The following GLIS3 variants were observed in gnomAD, a reference collection of about 807,000 sequenced individuals.
GLIS3 encodes the protein GLIS family zinc finger 3, also known as zinc finger protein GLIS3.
Under a neutral mutation model 78.6 loss-of-function variants are expected in GLIS3, and 53 were observed. The ratio of observed to expected loss-of-function variants is 0.67; its 90% confidence interval spans 0.54 to 0.85. GLIS3 has a LOEUF of 0.85. GLIS3 is among the 40% of genes least tolerant of loss of function. GLIS3 has a pLI of 0.00. For synonymous variants in GLIS3, 684 were observed against 509.9 expected (o/e 1.34, Z -4.60); for missense variants, 1,703 against 1,231.1 (o/e 1.38, Z -5.74).
the GLIS3 span, among the ~76,000 whole-genome samples, chr9:4,455,336 A>G: frequency 1.3e-5 from 2 of 152,322 alleles, no homozygotes; most frequent in African/African-American, 4.8e-5. Context: ...ACTAAATAGC[A>G]TTATCCACAA....
At position 3,828,232 on chromosome 9, in the gene GLIS3, C is replaced by T. The variant is rs768811993; in HGVS notation, c.*40G>A. 6.2e-7 allele frequency: 1 copy of T among 1,613,342 alleles called. No homozygotes were observed. The highest frequency in any genetic ancestry group is 8.5e-7 in the Non-Finnish European group (1 of 1,179,686). ...TACGAAAACAAAAGGTGGCAAGCAA[C>T]ATCAAGGTCCTGGGTGTGCAGGAGT... On this transcript the variant is annotated 3_prime_UTR_variant, in exon 11 of 11. Transcript: ENST00000381971.
At chr9:4,175,750 C>G (rs10974364) in intron 2 of GLIS3, among the ~76,000 whole-genome samples, 2,022 of 152,290 alleles carry the variant, frequency 0.013, 37 homozygotes, top group African/African-American at 0.047. Flanking sequence ...GGAAGTGAAG[C>G]AATGTAACAA....
intron 4 of GLIS3, among the ~76,000 whole-genome samples, chr9:3,938,387 T>G (rs1826013075): frequency 6.6e-6 from 1 of 152,222 alleles, no homozygotes; most frequent in Admixed American, 6.5e-5. Flanking sequence ...TAACTTAACC[T>G]TGCTGCAAGA....
intron 4 of GLIS3, among the ~76,000 whole-genome samples, chr9:4,040,668 T>C (rs531479): frequency 0.32 from 49,161 of 152,046 alleles, 8,850 homozygotes; most frequent in East Asian, 0.58. Context: ...AGACAGAGTT[T>C]CTTCAGTGGA....
intron 9 of GLIS3, among the ~76,000 whole-genome samples, chr9:3,845,639 A>G (rs1818982891): frequency 6.6e-6 from 1 of 152,212 alleles, no homozygotes; most frequent in African/African-American, 2.4e-5. Flanking sequence ...GTTGATTTAT[A>G]ATAGTAATTA....
chr9:4,294,112 C>T (rs1224439838), intron 1 of GLIS3, among the ~76,000 whole-genome samples: 1 of 152,200 alleles, frequency 6.6e-6, no homozygotes, highest in African/African-American at 2.4e-5. Context: ...TCTAAGCCCA[C>T]CCCAAACACC....
At chr9:4,148,406 C>G (rs1834394413) in intron 2 of GLIS3, among the ~76,000 whole-genome samples, 1 of 152,130 alleles carries the variant, frequency 6.6e-6, no homozygotes, top group Non-Finnish European at 1.5e-5. Context: ...AAGATCAGCT[C>G]AAATGCTACC....
At chr9:4,481,378 G>A in the GLIS3 span, among the ~76,000 whole-genome samples, 2 of 152,124 alleles carry the variant, frequency 1.3e-5, no homozygotes, top group African/African-American at 4.8e-5. Context: ...CAGCTACTCA[G>A]GAGGCTGACT....
chr9:4,362,994 G>A, the GLIS3 span, among the ~76,000 whole-genome samples: 19 of 152,176 alleles, frequency 1.2e-4, no homozygotes, highest in Admixed American at 1.0e-3. Flanking sequence ...AAAAAGAGAG[G>A]AAAAGAGAAG....
intron 4 of GLIS3, among the ~76,000 whole-genome samples, chr9:4,097,751 T>C (rs1586658956): frequency 6.6e-6 from 1 of 152,186 alleles, no homozygotes; most frequent in Non-Finnish European, 1.5e-5. Flanking sequence ...ATCCTGACTC[T>C]GATAAACACA....
intron 1 of GLIS3, among the ~76,000 whole-genome samples, chr9:4,295,123 A>C (rs1315989064): frequency 2.0e-5 from 3 of 152,200 alleles, no homozygotes; most frequent in Non-Finnish European, 4.4e-5. Context: ...CTGGTGAACA[A>C]TGAAAAATCC....
intron 4 of GLIS3, among the ~76,000 whole-genome samples, chr9:4,059,047 G>A (rs1013600409): frequency 2.0e-5 from 3 of 151,748 alleles, no homozygotes; most frequent in Non-Finnish European, 4.4e-5. Context: ...GCTGCTAGTT[G>A]ACGAAGGGGA....
At chr9:4,090,716 G>C (rs1035914476) in intron 4 of GLIS3, among the ~76,000 whole-genome samples, 1 of 152,314 alleles carries the variant, frequency 6.6e-6, no homozygotes, top group Admixed American at 6.5e-5. Flanking sequence ...GCTAGTAGTA[G>C]CTCCCTCATA....
intron 4 of GLIS3, among the ~76,000 whole-genome samples, chr9:4,048,082 T>G (rs1825404449): frequency 6.6e-6 from 1 of 152,184 alleles, no homozygotes. Context: ...TGGAGAGCCC[T>G]AAATAAAACT....
At chr9:4,330,350 A>C (rs1408218449) in intron 2 of GLIS3, among the ~76,000 whole-genome samples, 1 of 152,274 alleles carries the variant, frequency 6.6e-6, no homozygotes, top group East Asian at 1.9e-4. Flanking sequence ...TAGGTCTGGC[A>C]CAGGCCCTGC....
rs61020862 is a variant in GLIS3 at position 4,173,913 on chromosome 9, AACAC to A, written c.389-47976_389-47973del. Among the ~76,000 whole-genome samples, 40 of 146,966 alleles carry A rather than the reference AACAC, an allele frequency of 2.7e-4. No homozygotes were observed. The East Asian group carries it at 4.0e-3, about 15-fold the overall frequency. On this transcript the variant is annotated intron_variant, in intron 2 of 10. Transcript: ENST00000381971. The stretch of plus-strand genomic sequence containing the variant: ...AATCCTAGTCCGAGTACCCAGTTAA[AACAC>A]ACACACACACACACACGCACGCACG...
intron 2 of GLIS3, among the ~76,000 whole-genome samples, chr9:4,190,356 A>G (rs2131215159): frequency 6.6e-6 from 1 of 152,256 alleles, no homozygotes; most frequent in Non-Finnish European, 1.5e-5. Flanking sequence ...TGGAGCTGAA[A>G]GTCAAGGCTC....
the GLIS3 span, among the ~76,000 whole-genome samples, chr9:4,471,482 C>T: frequency 7.2e-5 from 11 of 152,130 alleles, no homozygotes; most frequent in East Asian, 1.3e-3. Context: ...ATTTGACAAA[C>T]CTGACAAAAA....
intron 2 of GLIS3, among the ~76,000 whole-genome samples, chr9:4,205,742 T>C (rs1819817891): frequency 6.6e-6 from 1 of 152,240 alleles, no homozygotes. Context: ...TCTCCATGAT[T>C]GTTTAAGCCA....
Sources: allele counts gnomAD v4.1 joint callset (sites outside exome capture counted in the v4.1 genomes callset), GRCh38; gene constraint gnomAD v4.1.1; transcripts MANE v1.5; gene names NCBI Gene and HGNC (gene_info 2026-07-23, HGNC 2026-07-21).